Variants in AADAT observed in about 807,000 individuals in gnomAD.
The protein encoded by AADAT is kynurenine/alpha-aminoadipate aminotransferase, mitochondrial.
A neutral mutation model predicts 56.2 loss-of-function variants in AADAT; 25 were observed. The ratio of observed to expected loss-of-function variants is 0.44; its 90% CI spans 0.32 to 0.62. AADAT has a LOEUF of 0.62. AADAT is among the 20% of genes least tolerant of loss of function. The pLI is 0.04. For missense variants in AADAT, 387 were observed against 510.5 expected (o/e 0.76, Z 2.33); for synonymous variants, 173 against 164.7 (o/e 1.05, Z -0.39).
intron 3 of AADAT, among the ~76,000 whole-genome samples, chr4:170,086,103 G>C (rs1379490489): frequency 6.6e-6 from 1 of 152,122 alleles, no homozygotes. Flanking sequence ...AAATTAGCTA[G>C]GCATATTGGT....
intron 3 of AADAT, among the ~76,000 whole-genome samples, chr4:170,082,295 T>A (rs191285356): frequency 9.2e-5 from 14 of 152,312 alleles, no homozygotes; most frequent in Admixed American, 4.6e-4. Flanking sequence ...AGGATTTTTT[T>A]ATGTTTTTTG....
chr4:170,067,656 A>C (rs1731535883), intron 8 of AADAT, among the ~76,000 whole-genome samples: 1 of 152,106 alleles, frequency 6.6e-6, no homozygotes, highest in Non-Finnish European at 1.5e-5. Flanking sequence ...AATCTCTATA[A>C]ATTTCTATTT....
rs767159360 is a variant in AADAT, at chr4:170,068,688, C to T, written c.804-1G>A. ...ACCAGTTAAAAATCCTATTCTCAAC[C>T]TACGTGGAAAGAGAAAAGGCACGAT... On this transcript the variant is annotated splice_acceptor_variant, in intron 7 of 12. Transcript: ENST00000337664. LOFTEE classifies it high-confidence loss of function. 1 of 1,577,924 alleles carries T rather than the reference C, an allele frequency of 6.3e-7. No individual in the cohort carries two copies. The highest frequency in any genetic ancestry group is 1.2e-5 in the South Asian group (1 of 84,884).
At chr4:170,078,738 A>G (rs1478416629) in intron 3 of AADAT, among the ~76,000 whole-genome samples, 155 bp from the exon 4 acceptor site, 3 of 152,216 alleles carry the variant, frequency 2.0e-5, no homozygotes, top group African/African-American at 7.2e-5. Context: ...TTTGCGGGTC[A>G]TAGTATCTCT....
At chr4:170,092,621 C>T (rs1732901917), upstream of AADAT, among the ~76,000 whole-genome samples, 1 of 152,218 alleles carries the variant, frequency 6.6e-6, no homozygotes, top group South Asian at 2.1e-4. Flanking sequence ...AGGCAAAATG[C>T]TTCTGCGTTC....
At chr4:170,089,383 CCT>C (rs910611477) in intron 1 of AADAT, 11 of 594,792 alleles carry the variant, frequency 1.8e-5, no homozygotes, top group East Asian at 1.2e-4. Flanking sequence ...GCAGTCTGCG[CCT>C]CTCTCTACTG....
At position 170,088,495 on chromosome 4, in the gene AADAT, A is replaced by G; in HGVS notation, c.137T>C (p.Phe46Ser). The change falls in exon 2 of 13, where the codon TTT becomes TCT. Residue 46 changes from phenylalanine to serine, a missense_variant. Transcript: ENST00000337664. ...LAGGLPNPNM[F>S]PFKTAVITVE... ...AGTGATTACGGCAGTCTTAAAAGGA[A>G]ACATGTTTGGATTTGGTAAGCCACC... The G allele has an allele frequency of 6.2e-7, 1 of 1,613,920 alleles. No homozygotes were observed. The highest frequency in any genetic ancestry group is 2.2e-5 in the East Asian group (1 of 44,864).
upstream of AADAT, chr4:170,089,983 T>G (rs994680857): frequency 4.9e-6 from 1 of 203,112 alleles, no homozygotes; most frequent in African/African-American, 2.3e-5. Flanking sequence ...AGGCCGGTTT[T>G]GCCCCGCCGC....
chr4:170,071,844 G>C (rs1423159552), intron 5 of AADAT, among the ~76,000 whole-genome samples: 3 of 152,158 alleles, frequency 2.0e-5, no homozygotes, highest in Non-Finnish European at 4.4e-5. Context: ...CAAGATGTGG[G>C]GGATGGGGGG....
At chr4:170,070,438 A>G in intron 6 of AADAT, 149 bp downstream of exon 6, 1 of 580,282 alleles carries the variant, frequency 1.7e-6, no homozygotes, top group East Asian at 3.5e-5. Flanking sequence ...ACTGAAAAGT[A>G]AAGTAGTAGC....
At chr4:170,084,417 T>G (rs1217977354) in intron 3 of AADAT, among the ~76,000 whole-genome samples, 1 of 152,176 alleles carries the variant, frequency 6.6e-6, no homozygotes, top group African/African-American at 2.4e-5. Flanking sequence ...TTAAAGAATA[T>G]TTCTAGGTCA....
rs990773908 is a variant in AADAT at position 170,060,802 on chromosome 4, T to G, written c.*126A>C. 4 of 655,856 alleles carry G rather than the reference T, an allele frequency of 6.1e-6. No homozygotes were observed. The South Asian group carries it at 7.5e-5, about 12-fold the overall frequency. 40.6% of individuals were successfully genotyped at this position (655,856 alleles called of 1,614,324 possible). A position where few individuals can be genotyped will look rare whatever the true frequency, so the allele number is the denominator to read the frequency against. ...AGGCCAGAGTGCATGCAGGCCAGAG[T>G]GCAGTGGTGTGATCGTAGCTTACTG... On this transcript the variant is annotated 3_prime_UTR_variant, in exon 13 of 13. Transcript: ENST00000337664.
At chr4:170,091,351 T>G (rs1315511968), upstream of AADAT, among the ~76,000 whole-genome samples, 1 of 151,408 alleles carries the variant, frequency 6.6e-6, no homozygotes, top group Admixed American at 6.6e-5. Flanking sequence ...CAGACCCGGG[T>G]AGTGAGGGGC....
chr4:170,069,339 C>A lies in AADAT; in HGVS notation c.721-109G>T, dbSNP rs534302990. On this transcript the variant is annotated intron_variant, in intron 6 of 12. Coordinates refer to ENST00000337664, the MANE Select transcript of AADAT (RefSeq NM_016228.4). ...GAGATGGATTTGGATAACAACAGTA[C>A]AAATATTCTCTTACCTTTATTTCAA... 1,428 of 760,440 alleles carry A rather than the reference C, an allele frequency of 1.9e-3. 7 individuals carry two copies. Among genetic ancestry groups the A allele is most frequent in the Non-Finnish European group, 2.4e-3 (1,157 of 473,346 alleles). The allele number at this position is 760,440 out of a possible 1,614,324, so 47.1% of individuals were successfully genotyped here.
intron 4 of AADAT, among the ~76,000 whole-genome samples, chr4:170,077,873 A>G (rs2111187606): frequency 6.6e-6 from 1 of 152,342 alleles, no homozygotes; most frequent in African/African-American, 2.4e-5. Flanking sequence ...AAATAGCTCC[A>G]GTTCCTACAA....
In AADAT at chr4:170,073,325, G is replaced by A. The variant is rs1040072011; in HGVS notation, c.465C>T (p.Asn155=). 6 of 1,613,660 alleles carry A rather than the reference G, an allele frequency of 3.7e-6. No individual in the cohort carries two copies. Among genetic ancestry groups the A allele is most frequent in the African/African-American group, 2.7e-5 (2 of 74,794 alleles). The part of the protein sequence containing the change: ...TLQSLHPLGC[N]IINVASDESG... ...TTTCATCACTGGCAACATTAATAATGTTGCAGCCCAGTGGGTGCAGCTGTT... is the reference window on the plus strand; with the variant it reads ...TTTCATCACTGGCAACATTAATAATATTGCAGCCCAGTGGGTGCAGCTGTT... Residue 155 remains asparagine, a synonymous_variant, in exon 5 of 13, where the codon AAC becomes AAT. Transcript: ENST00000337664.
intron 4 of AADAT, among the ~76,000 whole-genome samples, chr4:170,078,227 G>T (rs766405278): frequency 1.3e-5 from 2 of 152,062 alleles, no homozygotes; most frequent in Non-Finnish European, 2.9e-5. Context: ...AATATTAAGA[G>T]AATTGGACAT....
rs879414842 is a variant in AADAT at position 170,086,022 on chromosome 4, G to GGTATATTTT, written c.369+1093_369+1094insAAAATATAC. On this transcript the variant is annotated intron_variant, in intron 3 of 12. Transcript: ENST00000337664. ...GAGAAAATATACCAGCACTTTGGGAGGCCAAGGTGGACAGACTGCTTGAGC... is the reference window on the plus strand; with the variant it reads ...GAGAAAATATACCAGCACTTTGGGAGGTATATTTTGCCAAGGTGGACAGACTGCTTGAGC... Among the ~76,000 whole-genome samples the GGTATATTTT allele has an allele frequency of 1.9e-3, 289 of 152,236 alleles. 1 individual carries two copies. The highest frequency in any genetic ancestry group is 3.1e-3 in the Non-Finnish European group (214 of 67,998).
At chr4:170,077,598 G>T (rs1269599209) in intron 4 of AADAT, among the ~76,000 whole-genome samples, 1 of 152,182 alleles carries the variant, frequency 6.6e-6, no homozygotes, top group African/African-American at 2.4e-5. Context: ...CTCTAAGCTA[G>T]AATTACTTTA....
Sources: gnomAD v4.1 joint callset for allele counts (sites outside exome capture counted in the v4.1 genomes callset) on GRCh38, gnomAD v4.1.1 for gene constraint, MANE v1.5 for transcripts, NCBI Gene and HGNC (gene_info 2026-07-23, HGNC 2026-07-21) for gene names.